DENND1B: variants seen among roughly 807,000 people sequenced by gnomAD.
The protein encoded by DENND1B is DENN domain-containing protein 1B.
Under a neutral mutation model 90.1 loss-of-function variants are expected in DENND1B, and 59 were observed. The ratio of observed to expected loss-of-function variants is 0.65; its 90% CI spans 0.53 to 0.81. The LOEUF (loss-of-function observed/expected upper bound fraction) is 0.81, where lower values mean the gene tolerates loss of function less well. Ranked by LOEUF, DENND1B falls within the 40% of genes least tolerant of loss-of-function variation. The pLI is 0.00. For missense variants in DENND1B, 862 were observed against 912.6 expected, an observed-to-expected ratio of 0.94 and a Z score of 0.71; for synonymous variants, 337 against 324.6, an observed-to-expected ratio of 1.04 and a Z score of -0.41.
chr1:197,736,366 C>T (rs1407139127), intron 2 of DENND1B, among the ~76,000 whole-genome samples: 2 of 152,002 alleles, frequency 1.3e-5, no homozygotes, highest in East Asian at 1.9e-4. Context: ...ATCTATCTAT[C>T]GAGACAGGAT....
intron 14 of DENND1B, among the ~76,000 whole-genome samples, chr1:197,584,962 C>T (rs1173498231): frequency 6.6e-6 from 1 of 152,182 alleles, no homozygotes; most frequent in Non-Finnish European, 1.5e-5. Flanking sequence ...CATAAGTCAC[C>T]AACCTAGCCT....
intron 2 of DENND1B, chr1:197,736,031 C>T (rs1048182602): frequency 1.6e-5 from 15 of 958,020 alleles, no homozygotes; most frequent in Non-Finnish European, 2.3e-5. Context: ...GCTGTTAAGG[C>T]ACCTACAAAG....
intron 18 of DENND1B, among the ~76,000 whole-genome samples, chr1:197,543,161 C>T (rs1169283421): frequency 1.3e-5 from 2 of 152,098 alleles, no homozygotes; most frequent in Non-Finnish European, 2.9e-5. Context: ...TCTCAAACTC[C>T]TGACCTCAAG....
At chr1:197,649,013 G>C (rs1652801325) in intron 7 of DENND1B, among the ~76,000 whole-genome samples, 1 of 152,188 alleles carries the variant, frequency 6.6e-6, no homozygotes, top group African/African-American at 2.4e-5. Context: ...ACATAAAGCA[G>C]CAGAGAGGGT....
At chr1:197,750,603 T>TAGATAGATAGAC (rs924164389) in intron 2 of DENND1B, among the ~76,000 whole-genome samples, 3 of 151,412 alleles carry the variant, frequency 2.0e-5, no homozygotes, top group African/African-American at 7.3e-5. Flanking sequence ...GATAGATAGA[T>TAGATAGATAGAC]AGATAGATAA....
chr1:197,725,323 T>C (rs1661531550), intron 2 of DENND1B, among the ~76,000 whole-genome samples: 1 of 152,072 alleles, frequency 6.6e-6, no homozygotes, highest in Non-Finnish European at 1.5e-5. Flanking sequence ...ACTCTACAAC[T>C]TAAGAACTGT....
At chr1:197,564,395 CAAAAAAAAAAAAAAA>C (rs71131780) in intron 15 of DENND1B, among the ~76,000 whole-genome samples, 1 of 63,156 alleles carries the variant, frequency 1.6e-5, no homozygotes, top group Non-Finnish European at 2.7e-5. Flanking sequence ...CCTCCACCAG[CAAAAAAAAAAAAAAA>C]AAAAAAAAAA....
intron 15 of DENND1B, 58 bp downstream of exon 15, chr1:197,583,094 A>C (rs1674385217): frequency 6.9e-7 from 1 of 1,452,856 alleles, no homozygotes; most frequent in South Asian, 1.1e-5. Context: ...TAGTAATACA[A>C]ATGTGTAAAA....
chr1:197,775,275 G>A lies in DENND1B; in HGVS notation c.-120C>T. ...ACGCCGGCGGCCACACAGGGAAAGA[G>A]GCTGCTCACAGCAGCCGTGGCGGCG... On this transcript the variant is annotated 5_prime_UTR_variant, in exon 1 of 23. Transcript: ENST00000620048. 1.2e-6 allele frequency: 1 copy of A among 810,310 alleles called. No individual in the cohort carries two copies. The allele number at this position is 810,310 out of a possible 1,614,324, so 50.2% of individuals were successfully genotyped here.
At chr1:197,737,210 G>A (rs887366839) in intron 2 of DENND1B, among the ~76,000 whole-genome samples, 1 of 152,160 alleles carries the variant, frequency 6.6e-6, no homozygotes, top group Non-Finnish European at 1.5e-5. Flanking sequence ...CAACAGAATA[G>A]TGGGAAAATC....
chr1:197,691,216 G>C (rs983821336), intron 3 of DENND1B, among the ~76,000 whole-genome samples: 1 of 150,766 alleles, frequency 6.6e-6, no homozygotes, highest in African/African-American at 2.4e-5. Flanking sequence ...ATATGATAAA[G>C]GGTTACTATC....
chr1:197,685,327 C>T (rs1423164232), intron 3 of DENND1B, among the ~76,000 whole-genome samples: 1 of 152,156 alleles, frequency 6.6e-6, no homozygotes, highest in Non-Finnish European at 1.5e-5. Flanking sequence ...CTGTCTATAC[C>T]TGGTGGTCAG....
intron 22 of DENND1B, among the ~76,000 whole-genome samples, chr1:197,511,433 A>T (rs1668020535): frequency 6.6e-6 from 1 of 151,854 alleles, no homozygotes; most frequent in Admixed American, 6.6e-5. Flanking sequence ...TTCACATTTT[A>T]AAAATTCCCC....
chr1:197,672,675 T>C (rs1435674214), intron 4 of DENND1B, among the ~76,000 whole-genome samples: 1 of 152,034 alleles, frequency 6.6e-6, no homozygotes, highest in Non-Finnish European at 1.5e-5. Flanking sequence ...TTGTTATATT[T>C]TTTCTAGAAT....
At chr1:197,774,018 A>G (rs1426047575) in intron 1 of DENND1B, among the ~76,000 whole-genome samples, 1 of 152,252 alleles carries the variant, frequency 6.6e-6, no homozygotes, top group Non-Finnish European at 1.5e-5. Flanking sequence ...GGAAGTGACA[A>G]GACATATAAA....
chr1:197,668,877 C>A (rs937942535), intron 5 of DENND1B, among the ~76,000 whole-genome samples: 9 of 152,106 alleles, frequency 5.9e-5, no homozygotes, highest in African/African-American at 2.2e-4. Flanking sequence ...TTTAGTCCTA[C>A]AAACAGCACA....
upstream of DENND1B, among the ~76,000 whole-genome samples, chr1:197,776,923 C>T (rs1166274465): frequency 6.6e-6 from 1 of 152,112 alleles, no homozygotes; most frequent in East Asian, 1.9e-4. Flanking sequence ...GGAATTATTA[C>T]TTGTACATCA....
At chr1:197,770,772 C>CTATAAATA (rs1656436316) in intron 2 of DENND1B, among the ~76,000 whole-genome samples, 1 of 123,266 alleles carries the variant, frequency 8.1e-6, no homozygotes, top group African/African-American at 3.1e-5. Context: ...AAATATATAT[C>CTATAAATA]TATAAATATA....
intron 1 of DENND1B, 34 bp downstream of exon 1, chr1:197,775,105 C>A (rs767492552): frequency 8.0e-7 from 1 of 1,244,848 alleles, no homozygotes; most frequent in South Asian, 3.2e-5. Flanking sequence ...CCGAGGGACG[C>A]CCGCCCCCGA....
Sources: gnomAD v4.1 joint callset for allele counts (sites outside exome capture counted in the v4.1 genomes callset) on GRCh38, gnomAD v4.1.1 for gene constraint, MANE v1.5 for transcripts, NCBI Gene and HGNC (gene_info 2026-07-23, HGNC 2026-07-21) for gene names.